The following TDRD1 variants were observed in gnomAD, a reference collection of about 807,000 sequenced individuals.
TDRD1 encodes the protein tudor domain-containing protein 1.
A neutral mutation model predicts 140.6 loss-of-function variants in TDRD1; 37 were observed. That is an observed-to-expected ratio of 0.26 (90% CI 0.20 to 0.35). TDRD1 has a LOEUF of 0.35. TDRD1 is among the 10% of genes least tolerant of loss of function. The pLI is 1.00. For synonymous variants in TDRD1, 506 were observed against 475.7 expected (o/e 1.06, Z -0.83); for missense variants, 1,243 against 1,393.0 (o/e 0.89, Z 1.71).
chr10:114,201,575 G>C (rs1184238451), intron 5 of TDRD1, 60 bp downstream of exon 5: 2 of 1,426,506 alleles, frequency 1.4e-6, no homozygotes, highest in African/African-American at 2.8e-5. Context: ...GATACAATAA[G>C]CGTCCAATTA....
intron 22 of TDRD1, 122 bp downstream of exon 22, chr10:114,226,338 T>C: frequency 1.6e-6 from 1 of 626,380 alleles, no homozygotes; most frequent in Non-Finnish European, 2.7e-6. Context: ...TGTTTTTAAA[T>C]ATTAAGAGTT....
intron 1 of TDRD1, among the ~76,000 whole-genome samples, chr10:114,186,146 T>C (rs1255281855): frequency 2.6e-5 from 4 of 152,222 alleles, no homozygotes; most frequent in African/African-American, 9.6e-5. Flanking sequence ...TTTAAAGTTA[T>C]ATATTCTGTT....
chr10:114,213,299 A>G (rs1387554445), intron 14 of TDRD1, 47 bp from the exon 15 acceptor site: 1 of 1,563,506 alleles, frequency 6.4e-7, no homozygotes, highest in Non-Finnish European at 8.7e-7. Context: ...CTAAATTTCT[A>G]AATGCTTTCA....
At chr10:114,199,389 GA>G (rs1212919140) in intron 4 of TDRD1, 72 bp downstream of exon 4, 4 of 1,533,804 alleles carry the variant, frequency 2.6e-6, no homozygotes, top group Non-Finnish European at 3.5e-6. Flanking sequence ...TGTGGCAGAT[GA>G]TGAAACATTA....
chr10:114,201,715 G>A (rs1033783488), intron 5 of TDRD1, among the ~76,000 whole-genome samples, 200 bp downstream of exon 5: 12 of 152,132 alleles, frequency 7.9e-5, no homozygotes. Flanking sequence ...TACATGTGAA[G>A]ATTTATAACC....
At chr10:114,217,904 TA>T (rs2035912658) in intron 17 of TDRD1, among the ~76,000 whole-genome samples, 1 of 152,222 alleles carries the variant, frequency 6.6e-6, no homozygotes, top group Admixed American at 6.5e-5. Context: ...AATATTAAAA[TA>T]ACTTAGCTCA....
At chr10:114,227,816 C>A in intron 23 of TDRD1, 94 bp from the exon 24 acceptor site, 1 of 962,518 alleles carries the variant, frequency 1.0e-6, no homozygotes, top group Non-Finnish European at 1.6e-6. Context: ...AACCCATGCG[C>A]AAGGGGGAGA....
At chr10:114,222,847 A>G in intron 21 of TDRD1, 144 bp downstream of exon 21, 1 of 564,658 alleles carries the variant, frequency 1.8e-6, no homozygotes. Context: ...TGTGGATTTA[A>G]TTCATATGTT....
At chr10:114,179,506 G>C (rs570840337) in intron 1 of TDRD1, 90 bp downstream of exon 1, 1 of 152,876 alleles carries the variant, frequency 6.5e-6, no homozygotes, top group South Asian at 2.1e-4. Context: ...GACGTTGGGC[G>C]CTGGACGTTG....
At chr10:114,196,782 C>A (rs999920492) in intron 3 of TDRD1, among the ~76,000 whole-genome samples, 3 of 119,796 alleles carry the variant, frequency 2.5e-5, no homozygotes, top group African/African-American at 9.9e-5. Context: ...CACTCAGCTT[C>A]TTGAATTAGT....
chr10:114,178,267 CAG>C (rs1373766709), upstream of TDRD1, among the ~76,000 whole-genome samples: 4 of 152,264 alleles, frequency 2.6e-5, no homozygotes, highest in East Asian at 3.9e-4. Context: ...TAGTTTTATT[CAG>C]AGTCTTACTG....
exon 6 of TDRD1, chr10:114,202,241 C>A: frequency 1.2e-6 from 2 of 1,601,032 alleles, no homozygotes; most frequent in Non-Finnish European, 8.5e-7. Context: ...ATTGCAGTTT[C>A]CACAAACTTG....
chr10:114,210,790 T>C (rs746847555), intron 12 of TDRD1, 42 bp downstream of exon 12: 2 of 1,611,754 alleles, frequency 1.2e-6, no homozygotes, highest in East Asian at 4.5e-5. Flanking sequence ...GCTAAAATAC[T>C]TCAAGAGACT....
intron 11 of TDRD1, among the ~76,000 whole-genome samples, chr10:114,208,867 A>G (rs771150644): frequency 1.5e-4 from 22 of 150,796 alleles, no homozygotes; most frequent in Non-Finnish European, 3.2e-4. Context: ...TCCGCCTCCT[A>G]GGTTCAAGTG....
intron 3 of TDRD1, among the ~76,000 whole-genome samples, chr10:114,194,592 C>A (rs373550959): frequency 1.9e-4 from 29 of 151,984 alleles, no homozygotes; most frequent in African/African-American, 7.0e-4. Context: ...GATTTGTGTT[C>A]TACTGATCTT....
intron 10 of TDRD1, among the ~76,000 whole-genome samples, chr10:114,205,403 C>G (rs1232041180): frequency 6.6e-6 from 1 of 152,226 alleles, no homozygotes. Context: ...TTTCAGAGAT[C>G]TGGCATCATG....
chr10:114,218,210 C>T (rs1042977620), intron 17 of TDRD1, among the ~76,000 whole-genome samples: 2 of 152,114 alleles, frequency 1.3e-5, no homozygotes, highest in African/African-American at 4.8e-5. Flanking sequence ...TGGCACTATA[C>T]ATTTTGGAGA....
chr10:114,179,079 C>G (rs2119844149), upstream of TDRD1, among the ~76,000 whole-genome samples: 1 of 152,356 alleles, frequency 6.6e-6, no homozygotes, highest in East Asian at 1.9e-4. Flanking sequence ...GAGACAAAGT[C>G]TGCATCTTTG....
chr10:114,220,915 A>G (rs146703125), intron 19 of TDRD1, 72 bp downstream of exon 19: 14,934 of 1,072,272 alleles, frequency 0.014, 135 homozygotes, highest in Non-Finnish European at 0.018. Context: ...AAAATTTTCC[A>G]TCATAAATGA....
Sources: gnomAD v4.1 joint callset for allele counts (sites outside exome capture counted in the v4.1 genomes callset) on GRCh38, gnomAD v4.1.1 for gene constraint, MANE v1.5 for transcripts, NCBI Gene and HGNC (gene_info 2026-07-23, HGNC 2026-07-21) for gene names.